Variants in HS3ST2 observed in about 807,000 individuals in gnomAD.
HS3ST2 encodes the protein heparan sulfate glucosamine 3-O-sulfotransferase 2.
Under a neutral mutation model 26.3 loss-of-function variants are expected in HS3ST2, and 17 were observed. The ratio of observed to expected loss-of-function variants is 0.65; its 90% CI spans 0.44 to 0.97. The LOEUF (loss-of-function observed/expected upper bound fraction) is 0.97, where lower values mean the gene tolerates loss of function less well. HS3ST2 is among the 50% of genes least tolerant of loss of function. HS3ST2 has a pLI of 0.00. For synonymous variants in HS3ST2, 237 were observed against 219.2 expected (o/e 1.08, Z -0.72); for missense variants, 402 against 501.2 (o/e 0.80, Z 1.89).
chr16:22,896,390 G>A (rs892516057), intron 1 of HS3ST2, among the ~76,000 whole-genome samples: 4 of 152,200 alleles, frequency 2.6e-5, no homozygotes, highest in Non-Finnish European at 5.9e-5. Context: ...AGACTAGGCT[G>A]ACCTTTTAAT....
rs1391336090 is a variant in HS3ST2, at chr16:22,915,775, A to G, written c.*213A>G. On this transcript the variant is annotated 3_prime_UTR_variant, in exon 2 of 2. Transcript: ENST00000261374. ...TCATCAGTCTGTTCAAGCAAAGTTG[A>G]TCTGCTCCTGGCACGTCCAGTAAAT... 5.1e-6 allele frequency: 3 copies of G among 582,630 alleles called. No homozygotes were observed. Among genetic ancestry groups the G allele is most frequent in the Non-Finnish European group, 9.1e-6 (3 of 328,928 alleles). The allele number at this position is 582,630 out of a possible 1,614,324, so 36.1% of individuals were successfully genotyped here. A position where few individuals can be genotyped will look rare whatever the true frequency, so the allele number is the denominator to read the frequency against.
chr16:22,823,654 G>T lies in HS3ST2; in HGVS notation c.485+8559G>T, dbSNP rs193137748. Among the ~76,000 whole-genome samples the T allele has an allele frequency of 2.0e-5, 3 of 151,400 alleles. No individual in the cohort carries two copies. In the East Asian group the frequency reaches 5.8e-4, roughly 29 times the overall value. On this transcript the variant is annotated intron_variant, in intron 1 of 1. Coordinates refer to ENST00000261374, the MANE Select transcript of HS3ST2 (RefSeq NM_006043.2). ...AAAAAAAAATTAGCCAGGCATGGTG[G>T]CAGGCACCTGTAGTCCCAACTACTT...
At chr16:22,897,657 GCCTTGCC>G in intron 1 of HS3ST2, among the ~76,000 whole-genome samples, 1 of 24,870 alleles carries the variant, frequency 4.0e-5, no homozygotes. Context: ...AAGCATCTTT[GCCTTGCC>G]TAACTTTAAT....
chr16:22,852,187 C>G (rs1901527779), intron 1 of HS3ST2, among the ~76,000 whole-genome samples: 1 of 152,144 alleles, frequency 6.6e-6, no homozygotes, highest in East Asian at 1.9e-4. Context: ...AGCAGGACAG[C>G]CCCCATCTTA....
intron 1 of HS3ST2, among the ~76,000 whole-genome samples, chr16:22,835,456 T>C (rs1221457245): frequency 6.6e-6 from 1 of 152,166 alleles, no homozygotes; most frequent in Non-Finnish European, 1.5e-5. Context: ...TTTTTGTGAT[T>C]TTAATGCTTA....
At chr16:22,837,459 C>T (rs1901276000) in intron 1 of HS3ST2, among the ~76,000 whole-genome samples, 1 of 148,248 alleles carries the variant, frequency 6.7e-6, no homozygotes, top group African/African-American at 2.5e-5. Context: ...TAATACCAAA[C>T]CCTATATATA....
intron 1 of HS3ST2, among the ~76,000 whole-genome samples, chr16:22,824,275 G>C (rs4783492): frequency 1.3e-5 from 2 of 152,138 alleles, no homozygotes; most frequent in Non-Finnish European, 2.9e-5. Context: ...TGGGCTGGGC[G>C]TGGTGGCTCA....
intron 1 of HS3ST2, among the ~76,000 whole-genome samples, chr16:22,843,574 T>C (rs78287976): frequency 6.6e-6 from 1 of 152,296 alleles, no homozygotes; most frequent in Non-Finnish European, 1.5e-5. Context: ...TTTTAAATGA[T>C]GCAAATAAAT....
chr16:22,854,360 AT>A (rs990912006), intron 1 of HS3ST2, among the ~76,000 whole-genome samples: 4 of 151,604 alleles, frequency 2.6e-5, no homozygotes, highest in Non-Finnish European at 4.4e-5. Context: ...TTTTTTATGA[AT>A]TTTTTTCTGA....
intron 1 of HS3ST2, among the ~76,000 whole-genome samples, chr16:22,905,685 C>T (rs1902342685): frequency 6.6e-6 from 1 of 152,066 alleles, no homozygotes; most frequent in Non-Finnish European, 1.5e-5. Context: ...ATATAGACAA[C>T]AATCTTCACT....
At chr16:22,875,561 C>G (rs1596622551) in intron 1 of HS3ST2, among the ~76,000 whole-genome samples, 1 of 151,966 alleles carries the variant, frequency 6.6e-6, no homozygotes, top group African/African-American at 2.4e-5. Flanking sequence ...TTTTGTATTT[C>G]TAGTAGAGAC....
At chr16:22,848,045 T>C (rs935318458) in intron 1 of HS3ST2, among the ~76,000 whole-genome samples, 2 of 152,218 alleles carry the variant, frequency 1.3e-5, no homozygotes, top group South Asian at 2.1e-4. Flanking sequence ...ATGTGTTTTC[T>C]GGAATCCTAT....
chr16:22,860,939 C>T (rs955316174), intron 1 of HS3ST2, among the ~76,000 whole-genome samples: 4 of 151,586 alleles, frequency 2.6e-5, no homozygotes, highest in Admixed American at 2.0e-4. Context: ...GTGGTGTGGT[C>T]GTAGCTCAAT....
At chr16:22,846,854 G>A (rs1901440591) in intron 1 of HS3ST2, among the ~76,000 whole-genome samples, 1 of 152,170 alleles carries the variant, frequency 6.6e-6, no homozygotes, top group African/African-American at 2.4e-5. Flanking sequence ...GTGGGGAGCT[G>A]GAGACAGTCT....
intron 1 of HS3ST2, among the ~76,000 whole-genome samples, chr16:22,882,499 TGA>T (rs1902001822): frequency 6.6e-6 from 1 of 152,158 alleles, no homozygotes; most frequent in Non-Finnish European, 1.5e-5. Flanking sequence ...TTTGGGAGGC[TGA>T]GACAGGCAGA....
chr16:22,915,065 G>A lies in HS3ST2; in HGVS notation c.607G>A (p.Val203Ile), dbSNP rs1030251264. The change falls in exon 2 of 2, where the codon GTT becomes ATT. Residue 203 changes from valine to isoleucine, a missense_variant. Transcript: ENST00000261374. ...GTCCCGAGACACCAAGCTGATCGTGGTTGTGCGGAACCCTGTGACCCGTGC... is the reference window on the plus strand; with the variant it reads ...GTCCCGAGACACCAAGCTGATCGTGATTGTGCGGAACCCTGTGACCCGTGC... ...NMSRDTKLIVVVRNPVTRAIS... is the reference protein window; with the variant it reads ...NMSRDTKLIVIVRNPVTRAIS... The A allele has an allele frequency of 2.5e-6, 4 of 1,613,946 alleles. No homozygotes were observed. The highest frequency in any genetic ancestry group is 1.7e-5 in the Admixed American group (1 of 59,992).
At chr16:22,877,164 G>A (rs1901932200) in intron 1 of HS3ST2, among the ~76,000 whole-genome samples, 1 of 152,178 alleles carries the variant, frequency 6.6e-6, no homozygotes, top group Non-Finnish European at 1.5e-5. Flanking sequence ...ACTGGTGAAT[G>A]TGGCTGGGAG....
intron 1 of HS3ST2, among the ~76,000 whole-genome samples, chr16:22,844,156 A>AT (rs1478896673): frequency 1.3e-5 from 2 of 151,802 alleles, no homozygotes; most frequent in South Asian, 2.1e-4. Context: ...TTCATTTTTT[A>AT]TTTTTTTGCC....
intron 1 of HS3ST2, among the ~76,000 whole-genome samples, chr16:22,896,982 A>AT (rs200257999): frequency 0.04 from 6,016 of 151,856 alleles, 161 homozygotes; most frequent in Middle Eastern, 0.072. Flanking sequence ...TAATTTTTGT[A>AT]TTTTTTTGTA....
Sources: gnomAD v4.1 joint callset for allele counts (sites outside exome capture counted in the v4.1 genomes callset) on GRCh38, gnomAD v4.1.1 for gene constraint, MANE v1.5 for transcripts, NCBI Gene and HGNC (gene_info 2026-07-23, HGNC 2026-07-21) for gene names.